Variants in ATP11B observed in about 807,000 individuals in gnomAD.
ATP11B encodes phospholipid-transporting ATPase IF.
A neutral mutation model predicts 157.8 loss-of-function variants in ATP11B; 81 were observed. That is an observed-to-expected ratio of 0.51 (90% CI 0.43 to 0.62). The LOEUF (loss-of-function observed/expected upper bound fraction) is 0.62. ATP11B is among the 20% of genes least tolerant of loss of function. The pLI is 0.00. For synonymous variants in ATP11B, 451 were observed against 469.4 expected, an observed-to-expected ratio of 0.96 and a Z score of 0.51; for missense variants, 1,165 against 1,402.2, an observed-to-expected ratio of 0.83 and a Z score of 2.70.
At chr3:182,814,775 T>G (rs1443832544) in intron 1 of ATP11B, among the ~76,000 whole-genome samples, 1 of 152,172 alleles carries the variant, frequency 6.6e-6, no homozygotes, top group Non-Finnish European at 1.5e-5. Context: ...ACCACTGCAC[T>G]CAAGCCTGGG....
intron 2 of ATP11B, among the ~76,000 whole-genome samples, chr3:182,821,933 T>C (rs1369172773): frequency 1.3e-5 from 2 of 152,220 alleles, no homozygotes; most frequent in African/African-American, 4.8e-5. Context: ...CCAAGGATGT[T>C]GTCTTAGGTC....
chr3:182,905,718 G>T (rs750606574), intron 28 of ATP11B: 8 of 451,046 alleles, frequency 1.8e-5, no homozygotes, highest in African/African-American at 6.0e-5. Context: ...CCAACTTGTT[G>T]CTTTGATCTT....
chr3:182,882,134 T>C (rs892451390), intron 21 of ATP11B, among the ~76,000 whole-genome samples: 12 of 152,310 alleles, frequency 7.9e-5, no homozygotes, highest in East Asian at 1.9e-4. Context: ...TGTTCTGGAA[T>C]AGTCTCTATA....
chr3:182,912,939 C>T (rs769543483), intron 28 of ATP11B, among the ~76,000 whole-genome samples: 2 of 151,902 alleles, frequency 1.3e-5, no homozygotes, highest in African/African-American at 2.4e-5. Flanking sequence ...TGAAAAATTT[C>T]GGAGCATCTT....
At chr3:182,870,684 C>A (rs1045883081) in intron 17 of ATP11B, among the ~76,000 whole-genome samples, 6 of 152,052 alleles carry the variant, frequency 3.9e-5, no homozygotes, top group Non-Finnish European at 1.5e-5. Flanking sequence ...TAGAAATCTG[C>A]TAAATAGGGC....
chr3:182,917,633 C>G, intron 29 of ATP11B: 1 of 985,244 alleles, frequency 1.0e-6, no homozygotes, highest in Non-Finnish European at 1.2e-6. Flanking sequence ...CATTCCAAAG[C>G]CTTTGGTAAG....
chr3:182,915,529 A>G, intron 29 of ATP11B: 2 of 905,354 alleles, frequency 2.2e-6, no homozygotes, highest in Non-Finnish European at 2.6e-6. Context: ...GAGTTAGACT[A>G]AGATACAATA....
chr3:182,876,500 A>G (rs1001321137), intron 19 of ATP11B, among the ~76,000 whole-genome samples: 18 of 152,226 alleles, frequency 1.2e-4, no homozygotes, highest in Admixed American at 2.6e-4. Flanking sequence ...TGCTGCTGTA[A>G]CAAAATACCT....
At chr3:182,805,751 G>A (rs1237764580) in intron 1 of ATP11B, among the ~76,000 whole-genome samples, 1 of 151,686 alleles carries the variant, frequency 6.6e-6, no homozygotes, top group Non-Finnish European at 1.5e-5. Flanking sequence ...GTGAGCCACC[G>A]CACTGGGCCG....
intron 28 of ATP11B, among the ~76,000 whole-genome samples, chr3:182,910,168 T>G (rs775380605): frequency 1.3e-5 from 2 of 151,090 alleles, no homozygotes; most frequent in Non-Finnish European, 2.9e-5. Context: ...CACATATATA[T>G]ACACTTAGTT....
At chr3:182,900,508 T>G (rs1031462587) in intron 28 of ATP11B, among the ~76,000 whole-genome samples, 34 of 152,164 alleles carry the variant, frequency 2.2e-4, no homozygotes, top group African/African-American at 7.5e-4. Context: ...CATGCGTATA[T>G]ATTTATATCA....
At chr3:182,837,042 A>G (rs777629801) in intron 6 of ATP11B, 29 bp from the exon 7 acceptor site, 1 of 1,553,550 alleles carries the variant, frequency 6.4e-7, no homozygotes, top group South Asian at 1.1e-5. Flanking sequence ...TGGATCTGAA[A>G]ACTCTACAGT....
At chr3:182,904,905 AAAAAAAAG>A (rs1724231184) in intron 28 of ATP11B, among the ~76,000 whole-genome samples, 1 of 148,778 alleles carries the variant, frequency 6.7e-6, no homozygotes, top group Non-Finnish European at 1.5e-5. Context: ...AAAAAAAAAA[AAAAAAAAG>A]GATTAATTCA....
Position 182,793,742 on chromosome 3 carries a change from G to A in ATP11B, c.-18G>A. 7.1e-7 allele frequency: 1 copy of A among 1,408,214 alleles called. No homozygotes were observed. Among genetic ancestry groups the A allele is most frequent in the Non-Finnish European group, 9.3e-7 (1 of 1,075,308 alleles). The allele number at this position is 1,408,214 out of a possible 1,614,324, so 87.2% of individuals were successfully genotyped here. A position where few individuals can be genotyped will look rare whatever the true frequency, so the allele number is the denominator to read the frequency against. ...CGGCCCCCGCGCCCCGCGGGACCCG[G>A]ACGGCGACGACGGGGGAATGTGGCG... On this transcript the variant is annotated 5_prime_UTR_variant, in exon 1 of 30. Coordinates refer to ENST00000323116, the MANE Select transcript of ATP11B (RefSeq NM_014616.3).
At chr3:182,852,409 A>G (rs1161615560) in intron 10 of ATP11B, among the ~76,000 whole-genome samples, 1 of 152,206 alleles carries the variant, frequency 6.6e-6, no homozygotes, top group African/African-American at 2.4e-5. Flanking sequence ...AGCTCCATAG[A>G]TGCTACACAT....
intron 10 of ATP11B, among the ~76,000 whole-genome samples, chr3:182,849,013 C>T (rs1719757512): frequency 6.6e-6 from 1 of 152,144 alleles, no homozygotes; most frequent in Non-Finnish European, 1.5e-5. Flanking sequence ...AAAGTCTGAA[C>T]TTTACTGGAT....
intron 20 of ATP11B, among the ~76,000 whole-genome samples, chr3:182,879,922 C>T (rs886694673): frequency 2.6e-5 from 4 of 152,176 alleles, no homozygotes; most frequent in African/African-American, 9.7e-5. Context: ...TAATGTTTCG[C>T]AAGTTAGCTA....
At chr3:182,879,109 C>T (rs1722248666) in intron 19 of ATP11B, among the ~76,000 whole-genome samples, 1 of 152,186 alleles carries the variant, frequency 6.6e-6, no homozygotes, top group Admixed American at 6.5e-5. Context: ...CCCATCTCTA[C>T]TAAAATAACA....
rs370852926 is a variant in ATP11B, at chr3:182,898,741, A to G, written c.3287A>G (p.His1096Arg). 20 of 1,582,132 alleles carry G rather than the reference A, an allele frequency of 1.3e-5. No individual in the cohort carries two copies. The highest frequency in any genetic ancestry group is 1.5e-5 in the Non-Finnish European group (18 of 1,164,718). The change falls in exon 28 of 30, where the codon CAC (histidine) becomes CGC (arginine). Residue 1096 changes from histidine to arginine, a missense_variant. Transcript: ENST00000323116. ...ATCATAAAGAAGGTCTTTGACCGAC[A>G]CCTCCACCCTACAAGTACTGAAAAG... is the stretch of plus-strand genomic sequence containing the variant. ...LDIIKKVFDR[H>R]LHPTSTEKAQ...
Sources: gnomAD v4.1 joint callset for allele counts (sites outside exome capture counted in the v4.1 genomes callset) on GRCh38, gnomAD v4.1.1 for gene constraint, MANE v1.5 for transcripts, NCBI Gene and HGNC (gene_info 2026-07-23, HGNC 2026-07-21) for gene names.